Variants in SMARCA2 observed in about 807,000 individuals in gnomAD.
The protein encoded by SMARCA2 is SWI/SNF-related matrix-associated actin-dependent regulator of chromatin subfamily A member 2.
SMARCA2 carries 61 observed loss-of-function variants against 199.8 expected under a neutral mutation model. The ratio of observed to expected loss-of-function variants is 0.31; its 90% CI spans 0.25 to 0.38. The LOEUF is 0.38. Ranked by LOEUF, SMARCA2 falls within the 10% of genes least tolerant of loss-of-function variation. SMARCA2 has a pLI of 1.00. For synonymous variants in SMARCA2, 935 were observed against 732.0 expected, an observed-to-expected ratio of 1.28 and a Z score of -4.48; for missense variants, 1,344 against 2,012.2, an observed-to-expected ratio of 0.67 and a Z score of 6.35.
intron 29 of SMARCA2, among the ~76,000 whole-genome samples, chr9:2,174,609 A>T (rs1030996402): frequency 2.0e-5 from 3 of 152,114 alleles, no homozygotes; most frequent in African/African-American, 7.2e-5. Context: ...GCTTTGAAGC[A>T]TTTTACCATT....
chr9:2,110,202 G>A lies in SMARCA2; in HGVS notation c.3293-52G>A, dbSNP rs1822935680. On this transcript the variant is annotated intron_variant, in intron 23 of 33. Coordinates refer to ENST00000349721, the MANE Select transcript of SMARCA2 (RefSeq NM_003070.5). The surrounding 1 kb of genome is among the most constrained non-coding windows in gnomAD (Gnocchi z 4.8). ...AGCAAGCCTTTTTGTCTCATTCTGTGCCATTTTCAGACAAGAGTTAATTGG... is the reference window on the plus strand; with the variant it reads ...AGCAAGCCTTTTTGTCTCATTCTGTACCATTTTCAGACAAGAGTTAATTGG... 4 of 1,459,580 alleles carry A rather than the reference G, an allele frequency of 2.7e-6. No homozygotes were observed. The highest frequency in any genetic ancestry group is 4.6e-5 in the East Asian group (2 of 43,060). 90.4% of individuals were successfully genotyped at this position (1,459,580 alleles called of 1,614,324 possible).
At chr9:2,076,055 G>T (rs549049804) in intron 12 of SMARCA2, among the ~76,000 whole-genome samples, 174 bp from the exon 13 acceptor site, 1 of 152,326 alleles carries the variant, frequency 6.6e-6, no homozygotes, top group East Asian at 1.9e-4. Flanking sequence ...AACAGCAGTT[G>T]AATTGGGGGT....
intron 4 of SMARCA2, chr9:2,044,275 G>A (rs946956812): frequency 3.3e-5 from 5 of 152,232 alleles, no homozygotes; most frequent in Admixed American, 6.5e-5. Context: ...AACTTGTGGT[G>A]TTTAGCTAGG....
intron 1 of SMARCA2, among the ~76,000 whole-genome samples, chr9:2,021,369 AC>A (rs1457150839): frequency 6.6e-6 from 1 of 152,232 alleles, no homozygotes; most frequent in Non-Finnish European, 1.5e-5. Context: ...AAAATCTCTA[AC>A]CAAAAAGGAA....
chr9:2,179,397 G>T (rs1456693818), intron 29 of SMARCA2, among the ~76,000 whole-genome samples: 2 of 152,242 alleles, frequency 1.3e-5, no homozygotes, highest in African/African-American at 4.8e-5. Context: ...AAAAAAGAAA[G>T]TGGGATAGGT....
intron 5 of SMARCA2, among the ~76,000 whole-genome samples, chr9:2,051,273 C>T (rs889178402): frequency 2.6e-5 from 4 of 152,138 alleles, no homozygotes; most frequent in Admixed American, 6.6e-5. Context: ...CTAGAGTTTG[C>T]GCTTTGTACT....
chr9:2,054,528 A>T, intron 5 of SMARCA2, 69 bp from the exon 6 acceptor site: 1 of 1,557,758 alleles, frequency 6.4e-7, no homozygotes, highest in East Asian at 2.3e-5. Flanking sequence ...GTCATTGTTT[A>T]TCATTTAAGA....
chr9:2,062,931 T>A (rs1229124113), intron 9 of SMARCA2, among the ~76,000 whole-genome samples: 2 of 152,120 alleles, frequency 1.3e-5, no homozygotes, highest in African/African-American at 4.8e-5. Flanking sequence ...CTGTTTCCAG[T>A]TGGAGGTGGG....
At chr9:2,102,224 A>G (rs1414357669) in intron 22 of SMARCA2, among the ~76,000 whole-genome samples, 1 of 151,986 alleles carries the variant, frequency 6.6e-6, no homozygotes, top group African/African-American at 2.4e-5. Context: ...TTGGATCCCA[A>G]GGGCGGACAG....
At chr9:2,034,269 A>G (rs895401339) in intron 3 of SMARCA2, among the ~76,000 whole-genome samples, 1 of 148,644 alleles carries the variant, frequency 6.7e-6, no homozygotes, top group South Asian at 2.1e-4. Context: ...AAAAAAAACT[A>G]TTTCAAAGTA....
chr9:2,142,639 C>T (rs1014305641), intron 27 of SMARCA2, among the ~76,000 whole-genome samples: 2 of 152,142 alleles, frequency 1.3e-5, no homozygotes, highest in Non-Finnish European at 2.9e-5. Flanking sequence ...CCGTTTAACT[C>T]TCAAAGCTAA....
rs1203120928 is a variant in SMARCA2, at chr9:2,039,984, A to C, written c.790+84A>C. 3.8e-6 allele frequency: 6 copies of C among 1,567,598 alleles called. No individual in the cohort carries two copies. Among genetic ancestry groups the C allele is most frequent in the Non-Finnish European group, 5.2e-6 (6 of 1,159,724 alleles). ...GCTCACCAAAACACCGGGTTGTTAAAAGCCCGGGGCTGACGTAGCCTTTTG... is the reference window on the plus strand; with the variant it reads ...GCTCACCAAAACACCGGGTTGTTAACAGCCCGGGGCTGACGTAGCCTTTTG... On this transcript the variant is annotated intron_variant, in intron 4 of 33. Coordinates refer to ENST00000349721, the MANE Select transcript of SMARCA2 (RefSeq NM_003070.5). The surrounding 1 kb of genome is among the most constrained non-coding windows in gnomAD (Gnocchi z 4.8).
At chr9:2,047,793 T>C (rs147099607) in intron 5 of SMARCA2, 137 of 187,502 alleles carry the variant, frequency 7.3e-4, no homozygotes, top group Middle Eastern at 6.1e-3. Flanking sequence ...GGACGCTGAG[T>C]GTGTTGCGCT....
chr9:2,186,463 C>T (rs1163022578), intron 32 of SMARCA2, among the ~76,000 whole-genome samples: 2 of 152,188 alleles, frequency 1.3e-5, no homozygotes, highest in African/African-American at 2.4e-5. Flanking sequence ...AAATGTTTAG[C>T]ATAGGCTGGG....
intron 27 of SMARCA2, chr9:2,158,829 AG>A: frequency 3.2e-6 from 3 of 927,832 alleles, no homozygotes; most frequent in Non-Finnish European, 4.7e-6. Flanking sequence ...GGAAGTGTTT[AG>A]TGAATTGATT....
intron 14 of SMARCA2, among the ~76,000 whole-genome samples, chr9:2,079,029 T>C (rs950989733): frequency 2.0e-5 from 3 of 152,170 alleles, no homozygotes; most frequent in African/African-American, 7.2e-5. Flanking sequence ...GATTACCATA[T>C]AAATTACTAT....
intron 22 of SMARCA2, among the ~76,000 whole-genome samples, chr9:2,102,025 A>T (rs1377195564): frequency 6.6e-6 from 1 of 152,186 alleles, no homozygotes; most frequent in African/African-American, 2.4e-5. Context: ...ACAGTTTTAT[A>T]GTCATTTGTT....
intron 22 of SMARCA2, among the ~76,000 whole-genome samples, chr9:2,102,440 C>T (rs540193404): frequency 1.3e-4 from 20 of 152,256 alleles, no homozygotes; most frequent in East Asian, 9.6e-4. Context: ...GGAAGACATA[C>T]GTTTGAAAAT....
rs559468747 is a variant in SMARCA2, at chr9:2,156,637, G to T, written c.3982-5049G>T. ...GTAGAGATGGGGCTTCTCCATGTTG[G>T]TTAGGCTGGTCTCAAACTCCCTACC... On this transcript the variant is annotated intron_variant, in intron 27 of 33. Coordinates refer to ENST00000349721, the MANE Select transcript of SMARCA2 (RefSeq NM_003070.5). Among the ~76,000 whole-genome samples the T allele has an allele frequency of 3.9e-4, 60 of 152,108 alleles. 1 individual carries two copies. Among genetic ancestry groups the T allele is most frequent in the African/African-American group, 1.3e-3 (55 of 41,480 alleles).
Sources: gnomAD v4.1 joint callset for allele counts (sites outside exome capture counted in the v4.1 genomes callset) on GRCh38, gnomAD v4.1.1 for gene constraint, Gnocchi (gnomAD v3.1) non-coding constraint, MANE v1.5 for transcripts, NCBI Gene and HGNC (gene_info 2026-07-23, HGNC 2026-07-21) for gene names.